RAPGEF5: variants seen among roughly 807,000 people sequenced by gnomAD.
The protein encoded by RAPGEF5 is M-Ras-regulated GEF.
A neutral mutation model predicts 125.2 loss-of-function variants in RAPGEF5; 65 were observed. The ratio of observed to expected loss-of-function variants is 0.52; its 90% CI spans 0.43 to 0.64. RAPGEF5 has a LOEUF of 0.64. Ranked by LOEUF, RAPGEF5 falls within the 30% of genes least tolerant of loss-of-function variation. The pLI is 0.00. For missense variants in RAPGEF5, 958 were observed against 1,048.1 expected (o/e 0.91, Z 1.19); for synonymous variants, 391 against 385.9 (o/e 1.01, Z -0.16).
intron 7 of RAPGEF5, among the ~76,000 whole-genome samples, chr7:22,250,528 T>C (rs963830618): frequency 6.6e-6 from 1 of 152,196 alleles, no homozygotes; most frequent in African/African-American, 2.4e-5. Flanking sequence ...ACAGTTCCAT[T>C]TGCATGTCTG....
intron 11 of RAPGEF5, among the ~76,000 whole-genome samples, chr7:22,169,076 G>A (rs540034555): frequency 1.4e-3 from 214 of 152,238 alleles, no homozygotes; most frequent in Non-Finnish European, 3.8e-4. Flanking sequence ...TGGCAAAAGC[G>A]AATTCCTAAA....
intron 11 of RAPGEF5, among the ~76,000 whole-genome samples, chr7:22,180,617 C>CATTAGATGATTTA (rs1784645300): frequency 6.6e-6 from 1 of 152,150 alleles, no homozygotes; most frequent in African/African-American, 2.4e-5. Flanking sequence ...TTTAAATCAT[C>CATTAGATGATTTA]ATTAGAGCTT....
intron 6 of RAPGEF5, among the ~76,000 whole-genome samples, chr7:22,268,936 A>G (rs1041542474): frequency 1.3e-5 from 2 of 152,164 alleles, no homozygotes; most frequent in Admixed American, 6.6e-5. Flanking sequence ...GAGATGAGCG[A>G]GCAAAAAATG....
rs969610862 is a variant in RAPGEF5, at chr7:22,138,296, C to T, written c.2278-1313G>A. 6.6e-5 allele frequency among the ~76,000 whole-genome samples: 10 copies of T among 152,282 alleles called. No individual in the cohort carries two copies. The South Asian group carries it at 1.5e-3, about 22-fold the overall frequency. On this transcript the variant is annotated intron_variant, in intron 21 of 25. Coordinates refer to ENST00000665637, the MANE Select transcript of RAPGEF5 (RefSeq NM_012294.5). Reference sequence around the variant, plus strand: ...GTCAAGTTTTATTGGATTGCTGCCACGCCCCTTCATTCAGGCACGTACTAC... The same window carrying T: ...GTCAAGTTTTATTGGATTGCTGCCATGCCCCTTCATTCAGGCACGTACTAC...
At position 22,157,203 on chromosome 7, in the gene RAPGEF5, C is replaced by G. The variant is rs191223060; in HGVS notation, c.1558-315G>C. On this transcript the variant is annotated intron_variant, in intron 15 of 25. Coordinates refer to ENST00000665637, the MANE Select transcript of RAPGEF5 (RefSeq NM_012294.5). ...GTCTCCTGAGATAAACATCATTTCC[C>G]CATTCCAACATTAACCTATAAGGTA... 1.1e-4 allele frequency among the ~76,000 whole-genome samples: 17 copies of G among 152,318 alleles called. 1 individual carries two copies. In the East Asian group the frequency reaches 2.9e-3, roughly 26 times the overall value.
At chr7:22,311,262 G>C (rs980548136) in intron 3 of RAPGEF5, among the ~76,000 whole-genome samples, 2 of 152,072 alleles carry the variant, frequency 1.3e-5, no homozygotes, top group African/African-American at 2.4e-5. Flanking sequence ...AAGTGATCCT[G>C]CCTCAGCTGC....
intron 1 of RAPGEF5, among the ~76,000 whole-genome samples, chr7:22,341,356 C>T (rs550758077): frequency 5.1e-4 from 78 of 152,298 alleles, no homozygotes; most frequent in African/African-American, 1.5e-3. Context: ...TCCCACAACA[C>T]GTGAGAATTC....
At chr7:22,334,177 T>G (rs1783982530) in intron 1 of RAPGEF5, among the ~76,000 whole-genome samples, 1 of 152,172 alleles carries the variant, frequency 6.6e-6, no homozygotes, top group Non-Finnish European at 1.5e-5. Context: ...AGCATGACAT[T>G]TGGGTTAGTC....
At chr7:22,306,345 C>T (rs1783341154) in intron 5 of RAPGEF5, among the ~76,000 whole-genome samples, 1 of 152,098 alleles carries the variant, frequency 6.6e-6, no homozygotes, top group Non-Finnish European at 1.5e-5. Context: ...TTTTCATAAA[C>T]CTGTTTGTCA....
intron 1 of RAPGEF5, among the ~76,000 whole-genome samples, chr7:22,343,482 C>T (rs1014333118): frequency 1.3e-5 from 2 of 152,110 alleles, no homozygotes; most frequent in African/African-American, 4.8e-5. Flanking sequence ...TTTATTAAGA[C>T]AAGGTATTCA....
chr7:22,150,841 G>T (rs1268316115), intron 17 of RAPGEF5, among the ~76,000 whole-genome samples: 1 of 152,032 alleles, frequency 6.6e-6, no homozygotes, highest in Non-Finnish European at 1.5e-5. Flanking sequence ...GTTACACTTA[G>T]GTCTATTTTT....
intron 11 of RAPGEF5, among the ~76,000 whole-genome samples, chr7:22,186,816 C>G (rs1034389367): frequency 6.6e-6 from 1 of 152,202 alleles, no homozygotes; most frequent in Non-Finnish European, 1.5e-5. Flanking sequence ...TATTTCACCA[C>G]TGAGGGAAAA....
chr7:22,252,814 T>C (rs141656746), intron 7 of RAPGEF5, among the ~76,000 whole-genome samples: 17 of 152,360 alleles, frequency 1.1e-4, no homozygotes, highest in African/African-American at 3.4e-4. Context: ...ATCTGCTGAA[T>C]GCATTTTCAA....
At chr7:22,263,193 G>T (rs1432047330) in intron 7 of RAPGEF5, among the ~76,000 whole-genome samples, 1 of 152,158 alleles carries the variant, frequency 6.6e-6, no homozygotes, top group Non-Finnish European at 1.5e-5. Flanking sequence ...AGCTATAAAG[G>T]AGCAACATGA....
intron 20 of RAPGEF5, among the ~76,000 whole-genome samples, chr7:22,142,745 G>A (rs972834992): frequency 2.0e-5 from 3 of 152,216 alleles, no homozygotes. Flanking sequence ...CTTTGTGTGA[G>A]GAAATAAAAT....
intron 1 of RAPGEF5, among the ~76,000 whole-genome samples, chr7:22,319,346 TCTA>T (rs1421990270): frequency 1.3e-5 from 2 of 152,208 alleles, no homozygotes; most frequent in African/African-American, 4.8e-5. Context: ...ATCTGAACCT[TCTA>T]CTAAACTTTA....
At chr7:22,227,469 C>G (rs1246671564) in intron 8 of RAPGEF5, among the ~76,000 whole-genome samples, 3 of 152,066 alleles carry the variant, frequency 2.0e-5, no homozygotes, top group African/African-American at 7.2e-5. Flanking sequence ...GGATAGGAGA[C>G]AATGAAAATA....
intron 23 of RAPGEF5, among the ~76,000 whole-genome samples, chr7:22,131,964 C>T (rs6461638): frequency 0.57 from 86,395 of 151,864 alleles, 25,883 homozygotes; most frequent in East Asian, 0.92. Flanking sequence ...AGGGAATCCT[C>T]GCAGACAAGT....
At chr7:22,183,603 T>C (rs981852870) in intron 11 of RAPGEF5, among the ~76,000 whole-genome samples, 1 of 152,166 alleles carries the variant, frequency 6.6e-6, no homozygotes, top group Non-Finnish European at 1.5e-5. Flanking sequence ...ATGAATAAAG[T>C]AGAAAGTCCA....
Sources: allele counts gnomAD v4.1 joint callset (sites outside exome capture counted in the v4.1 genomes callset), GRCh38; gene constraint gnomAD v4.1.1; transcripts MANE v1.5; gene names NCBI Gene and HGNC (gene_info 2026-07-23, HGNC 2026-07-21).